Variants in FOCAD observed in about 807,000 individuals in gnomAD.
FOCAD encodes the protein focadhesin.
FOCAD carries 198 observed loss-of-function variants against 225.6 expected under a neutral mutation model. The observed-to-expected ratio is 0.88, with a 90% CI of 0.78 to 0.99. The LOEUF (loss-of-function observed/expected upper bound fraction) is 0.99. Among genes scored for constraint, FOCAD ranks in the 50% least tolerant of loss-of-function variants. The pLI is 0.00. For missense variants in FOCAD, 2,713 were observed against 2,123.6 expected, an observed-to-expected ratio of 1.28 and a Z score of -5.46; for synonymous variants, 897 against 755.0, an observed-to-expected ratio of 1.19 and a Z score of -3.08.
intron 15 of FOCAD, among the ~76,000 whole-genome samples, chr9:20,835,607 T>C (rs943009758): frequency 2.0e-5 from 3 of 152,052 alleles, no homozygotes; most frequent in Non-Finnish European, 4.4e-5. Context: ...AAAAAGAATG[T>C]TCAGTCTAAA....
chr9:20,743,429 A>G (rs1297985170), intron 5 of FOCAD, among the ~76,000 whole-genome samples: 1 of 152,248 alleles, frequency 6.6e-6, no homozygotes, highest in Non-Finnish European at 1.5e-5. Flanking sequence ...TCACAGTGCA[A>G]CAGAATACTT....
At chr9:20,802,056 C>T (rs969891613) in intron 11 of FOCAD, among the ~76,000 whole-genome samples, 8 of 152,060 alleles carry the variant, frequency 5.3e-5, no homozygotes, top group East Asian at 1.9e-4. Context: ...GGCACTCAGC[C>T]GTTAATGTAT....
chr9:20,969,108 C>T (rs1300116986), intron 35 of FOCAD, among the ~76,000 whole-genome samples: 1 of 152,022 alleles, frequency 6.6e-6, no homozygotes, highest in Non-Finnish European at 1.5e-5. Flanking sequence ...TTCTTGATTT[C>T]TATTCCATTG....
intron 11 of FOCAD, among the ~76,000 whole-genome samples, chr9:20,802,993 A>G (rs908078708): frequency 1.4e-4 from 22 of 152,108 alleles, no homozygotes; most frequent in Non-Finnish European, 2.5e-4. Flanking sequence ...CTAATTCCGT[A>G]TTGCCTCCTT....
At chr9:20,815,952 A>G (rs1328696685) in intron 11 of FOCAD, among the ~76,000 whole-genome samples, 1 of 152,188 alleles carries the variant, frequency 6.6e-6, no homozygotes, top group Non-Finnish European at 1.5e-5. Flanking sequence ...GTGTTTTCCT[A>G]GTGAAACAGT....
At chr9:20,976,638 A>T in intron 36 of FOCAD, 90 bp downstream of exon 36, 1 of 1,337,264 alleles carries the variant, frequency 7.5e-7, no homozygotes, top group Non-Finnish European at 1.1e-6. Flanking sequence ...ATGTGTAGTG[A>T]CTGGATAGAC....
chr9:20,951,194 C>CA, intron 34 of FOCAD, 96 bp downstream of exon 34: 3 of 894,382 alleles, frequency 3.4e-6, no homozygotes, highest in Non-Finnish European at 5.5e-6. Flanking sequence ...CACAACAACC[C>CA]TAAGTAATGG....
In FOCAD at chr9:20,758,138, C is replaced by G; in HGVS notation, c.441C>G (p.Cys147Trp). Residue 147 changes from cysteine (C) to tryptophan (W), a missense_variant, in exon 6 of 44, where the codon TGC (cysteine) becomes TGG (tryptophan). By Grantham distance (215) the Cys-to-Trp change is radical. Coordinates refer to ENST00000338382, the MANE Select transcript of FOCAD (RefSeq NM_001375567.1). ...LITVLEHRPD[C>W]WPVFLQQLTA... ...CTGTGCTTGAACACAGACCTGATTG[C>G]TGGCCAGTGTTTTTGCAGCAGCTGA... 6.2e-7 allele frequency: 1 copy of G among 1,612,516 alleles called. No homozygotes were observed. Among genetic ancestry groups the G allele is most frequent in the Non-Finnish European group, 8.5e-7 (1 of 1,179,358 alleles).
At chr9:20,931,124 T>G (rs1327686430) in intron 27 of FOCAD, among the ~76,000 whole-genome samples, 1 of 152,194 alleles carries the variant, frequency 6.6e-6, no homozygotes, top group Non-Finnish European at 1.5e-5. Flanking sequence ...AAGCTTGCAT[T>G]TGTGGTTAAC....
At chr9:20,669,104 T>C (rs1414765187) in intron 2 of FOCAD, among the ~76,000 whole-genome samples, 1 of 152,196 alleles carries the variant, frequency 6.6e-6, no homozygotes, top group African/African-American at 2.4e-5. Context: ...TTCTTCCTTC[T>C]TGGGGGCCTT....
intron 15 of FOCAD, among the ~76,000 whole-genome samples, chr9:20,833,123 A>G (rs980096776): frequency 6.6e-6 from 1 of 152,054 alleles, no homozygotes; most frequent in African/African-American, 2.4e-5. Context: ...CATTCCCACC[A>G]ATAGTGTAAT....
At chr9:20,718,866 T>C (rs1006413647) in intron 3 of FOCAD, among the ~76,000 whole-genome samples, 16 of 152,216 alleles carry the variant, frequency 1.1e-4, no homozygotes, top group Admixed American at 9.2e-4. Context: ...TGTTTTGTTT[T>C]TCCGGTGTAA....
intron 7 of FOCAD, among the ~76,000 whole-genome samples, chr9:20,767,565 C>G (rs2130975940): frequency 6.6e-6 from 1 of 151,782 alleles, no homozygotes; most frequent in South Asian, 2.1e-4. Context: ...TTGCATTTCT[C>G]TGATGGCCAG....
chr9:20,869,861 A>G (rs973491965), intron 18 of FOCAD, among the ~76,000 whole-genome samples: 1 of 152,188 alleles, frequency 6.6e-6, no homozygotes, highest in African/African-American at 2.4e-5. Flanking sequence ...CACAGATCTA[A>G]AATTGGTTCC....
chr9:20,793,440 A>C (rs1201163394), intron 11 of FOCAD, among the ~76,000 whole-genome samples: 1 of 152,106 alleles, frequency 6.6e-6, no homozygotes, highest in East Asian at 1.9e-4. Context: ...GTTCTGTGTT[A>C]ATTTCTTGGC....
chr9:20,792,507 A>G (rs1417787127), intron 11 of FOCAD, among the ~76,000 whole-genome samples: 1 of 152,158 alleles, frequency 6.6e-6, no homozygotes, highest in African/African-American at 2.4e-5. Context: ...GTTTTGCAAA[A>G]CTCAGTGCCT....
chr9:20,707,331 ACT>A (rs1261888402), intron 1 of FOCAD, among the ~76,000 whole-genome samples: 2 of 152,236 alleles, frequency 1.3e-5, no homozygotes, highest in African/African-American at 4.8e-5. Context: ...ACTAAAAATT[ACT>A]GTTTTCTTAC....
At chr9:20,982,860 C>A (rs1384654139) in intron 39 of FOCAD, among the ~76,000 whole-genome samples, 1 of 152,160 alleles carries the variant, frequency 6.6e-6, no homozygotes, top group African/African-American at 2.4e-5. Context: ...AAACAAAATG[C>A]AAGATATTTT....
At chr9:20,750,969 G>C (rs762632172) in intron 5 of FOCAD, among the ~76,000 whole-genome samples, 1 of 152,008 alleles carries the variant, frequency 6.6e-6, no homozygotes, top group Non-Finnish European at 1.5e-5. Flanking sequence ...TACAGTATTC[G>C]CTCTGGAAAG....
Sources: allele counts gnomAD v4.1 joint callset (sites outside exome capture counted in the v4.1 genomes callset), GRCh38; gene constraint gnomAD v4.1.1; transcripts MANE v1.5; gene names NCBI Gene and HGNC (gene_info 2026-07-23, HGNC 2026-07-21).